The following ZNF704 variants were observed in gnomAD, a reference collection of about 807,000 sequenced individuals.
ZNF704 encodes the protein zinc finger protein 704, also known as glucocorticoid induced gene 1.
A neutral mutation model predicts 44.7 loss-of-function variants in ZNF704; 10 were observed. The observed-to-expected ratio is 0.22, with a 90% CI of 0.14 to 0.38. ZNF704 has a LOEUF of 0.38. Ranked by LOEUF, ZNF704 falls within the 10% of genes least tolerant of loss-of-function variation. The probability of loss-of-function intolerance (pLI) is 1.00; values close to 1 mark genes in which losing one functional copy is unlikely to be tolerated. For missense variants in ZNF704, 390 were observed against 545.5 expected, an observed-to-expected ratio of 0.71 and a Z score of 2.84; for synonymous variants, 211 against 207.6, an observed-to-expected ratio of 1.02 and a Z score of -0.14.
intron 2 of ZNF704, among the ~76,000 whole-genome samples, chr8:80,771,598 A>T (rs1056937399): frequency 1.3e-5 from 2 of 152,180 alleles, no homozygotes; most frequent in Non-Finnish European, 2.9e-5. Context: ...GTCTTTTTAA[A>T]AATAAATTCC....
intron 2 of ZNF704, among the ~76,000 whole-genome samples, chr8:80,782,844 A>G (rs566397672): frequency 3.6e-4 from 55 of 152,118 alleles, no homozygotes; most frequent in Non-Finnish European, 3.5e-4. Flanking sequence ...TCGTCCCTCT[A>G]TGTGGGTTTT....
chr8:80,830,028 T>C (rs1287819381), intron 1 of ZNF704, among the ~76,000 whole-genome samples: 1 of 152,158 alleles, frequency 6.6e-6, no homozygotes, highest in Non-Finnish European at 1.5e-5. Flanking sequence ...ATGTATCACA[T>C]GTTCTTTTTA....
intron 4 of ZNF704, among the ~76,000 whole-genome samples, chr8:80,680,318 T>C (rs973215698): frequency 1.3e-5 from 2 of 152,104 alleles, no homozygotes; most frequent in South Asian, 2.1e-4. Context: ...GTCAGCAGCC[T>C]GGAGTTAACG....
chr8:80,657,942 A>G (rs6998930), intron 7 of ZNF704, among the ~76,000 whole-genome samples: 21,615 of 152,138 alleles, frequency 0.14, 2,846 homozygotes, highest in African/African-American at 0.35. Flanking sequence ...CACAGTGTCC[A>G]TAGCAGAGTT....
chr8:80,838,853 G>A (rs1326210442), intron 1 of ZNF704, among the ~76,000 whole-genome samples: 1 of 151,416 alleles, frequency 6.6e-6, no homozygotes, highest in Non-Finnish European at 1.5e-5. Context: ...GAAGAGGGGA[G>A]CAGACCCCAG....
At chr8:80,687,160 C>T in intron 4 of ZNF704, 66 bp downstream of exon 4, 3 of 1,444,774 alleles carry the variant, frequency 2.1e-6, no homozygotes, top group Non-Finnish European at 2.9e-6. Flanking sequence ...CACACCGGCC[C>T]TTCAGAGGGG....
Position 80,731,738 on chromosome 8 carries a change from A to T in ZNF704, c.222-38631T>A, listed in dbSNP as rs182011188. Among the ~76,000 whole-genome samples the T allele has an allele frequency of 5.0e-3, 760 of 152,224 alleles. 6 individuals are homozygous for T. The highest frequency in any genetic ancestry group is 0.027 in the South Asian group (128 of 4,812). On this transcript the variant is annotated intron_variant, in intron 2 of 8. Coordinates refer to ENST00000327835, the MANE Select transcript of ZNF704 (RefSeq NM_001033723.3). ...AATCATGCCACTGCACTCCAGCCTG[A>T]GTGACAGAGTGAGACTCCATCTCTA...
intron 1 of ZNF704, among the ~76,000 whole-genome samples, chr8:80,862,756 C>T (rs940938546): frequency 3.2e-5 from 4 of 126,628 alleles, no homozygotes; most frequent in African/African-American, 6.1e-5. Context: ...CAGAGTGAGA[C>T]TCCGTCTCAA....
intron 2 of ZNF704, among the ~76,000 whole-genome samples, chr8:80,733,424 C>T (rs528168928): frequency 6.6e-6 from 1 of 152,232 alleles, no homozygotes; most frequent in Admixed American, 6.5e-5. Context: ...TTGAGATGTA[C>T]TTTACTTTGC....
intron 2 of ZNF704, among the ~76,000 whole-genome samples, chr8:80,815,554 ATTGACT>A (rs527889564): frequency 2.0e-5 from 3 of 152,192 alleles, no homozygotes; most frequent in Non-Finnish European, 4.4e-5. Flanking sequence ...ATAAGTAATA[ATTGACT>A]TATCAATATA....
chr8:80,780,453 G>A (rs1205352632), intron 2 of ZNF704, among the ~76,000 whole-genome samples: 1 of 152,048 alleles, frequency 6.6e-6, no homozygotes, highest in Non-Finnish European at 1.5e-5. Flanking sequence ...TGAGTTGGAT[G>A]GTGGCCTCAA....
At chr8:80,839,092 T>C (rs887922787) in intron 1 of ZNF704, among the ~76,000 whole-genome samples, 2 of 152,212 alleles carry the variant, frequency 1.3e-5, no homozygotes, top group African/African-American at 4.8e-5. Flanking sequence ...CCCACCCCAC[T>C]CACTGCATTT....
At chr8:80,846,579 C>G (rs1808771426) in intron 1 of ZNF704, among the ~76,000 whole-genome samples, 1 of 152,088 alleles carries the variant, frequency 6.6e-6, no homozygotes, top group Non-Finnish European at 1.5e-5. Context: ...TTAACATTGT[C>G]AAAGCTCTCA....
chr8:80,740,271 G>A (rs1442675187), intron 2 of ZNF704, among the ~76,000 whole-genome samples: 1 of 152,142 alleles, frequency 6.6e-6, no homozygotes, highest in East Asian at 1.9e-4. Flanking sequence ...GAACATAGGA[G>A]AAAGAACATC....
upstream of ZNF704, among the ~76,000 whole-genome samples, chr8:80,876,914 G>T (rs1316001864): frequency 2.0e-5 from 3 of 152,030 alleles, no homozygotes; most frequent in African/African-American, 7.2e-5. Context: ...GGAGGACCAT[G>T]GTCAGGCCAA....
chr8:80,808,360 A>T (rs1268533605), intron 2 of ZNF704, among the ~76,000 whole-genome samples: 1 of 152,184 alleles, frequency 6.6e-6, no homozygotes. Context: ...GAATGTGAAG[A>T]TGGATTTGAG....
At chr8:80,801,623 C>T (rs1807900876) in intron 2 of ZNF704, among the ~76,000 whole-genome samples, 1 of 152,044 alleles carries the variant, frequency 6.6e-6, no homozygotes, top group Non-Finnish European at 1.5e-5. Context: ...CTAATGAGAA[C>T]AAAGAGACAA....
chr8:80,768,823 G>A (rs1807271744), intron 2 of ZNF704, among the ~76,000 whole-genome samples: 1 of 152,098 alleles, frequency 6.6e-6, no homozygotes. Context: ...AGAGAAATCA[G>A]CAAATGATAC....
chr8:80,690,636 A>AC (rs575175995), intron 3 of ZNF704, among the ~76,000 whole-genome samples: 22 of 151,990 alleles, frequency 1.4e-4, no homozygotes, highest in South Asian at 2.1e-4. Flanking sequence ...TTTGCCAGAG[A>AC]CCCCCCAGAA....
Sources: allele counts gnomAD v4.1 joint callset (sites outside exome capture counted in the v4.1 genomes callset), GRCh38; gene constraint gnomAD v4.1.1; transcripts MANE v1.5; gene names NCBI Gene and HGNC (gene_info 2026-07-23, HGNC 2026-07-21).